BACH2: variants seen among roughly 807,000 people sequenced by gnomAD.
BACH2 encodes the protein BACH transcriptional regulator 2, also known as transcription regulator protein BACH2.
Under a neutral mutation model 61.8 loss-of-function variants are expected in BACH2, and 5 were observed. That is an observed-to-expected ratio of 0.08 (90% CI 0.04 to 0.17). The LOEUF (loss-of-function observed/expected upper bound fraction) is 0.17, where lower values mean the gene tolerates loss of function less well. Among genes scored for constraint, BACH2 ranks in the 10% least tolerant of loss-of-function variants. The pLI, the probability that BACH2 is intolerant of heterozygous loss-of-function variation, is 1.00. For synonymous variants in BACH2, 446 were observed against 440.1 expected (o/e 1.01, Z -0.17); for missense variants, 824 against 1,091.1 (o/e 0.76, Z 3.45).
intron 4 of BACH2, among the ~76,000 whole-genome samples, chr6:90,124,155 T>C (rs941863387): frequency 2.0e-5 from 3 of 152,208 alleles, no homozygotes; most frequent in Admixed American, 2.0e-4. Flanking sequence ...GCCCAGGTGG[T>C]CTGCTCCCTC....
chr6:89,989,785 G>T (rs1448747476), intron 6 of BACH2, among the ~76,000 whole-genome samples: 1 of 152,140 alleles, frequency 6.6e-6, no homozygotes, highest in Non-Finnish European at 1.5e-5. Flanking sequence ...AAATAAGGCT[G>T]CATTATTTTA....
intron 4 of BACH2, among the ~76,000 whole-genome samples, chr6:90,165,595 G>A (rs568730674): frequency 4.9e-4 from 75 of 152,160 alleles, no homozygotes; most frequent in African/African-American, 1.7e-3. Flanking sequence ...AGCCCGCATC[G>A]CCAAGTCAAT....
intron 5 of BACH2, among the ~76,000 whole-genome samples, chr6:90,013,675 T>G (rs1425134689): frequency 6.6e-6 from 1 of 151,466 alleles, no homozygotes; most frequent in African/African-American, 2.4e-5. Flanking sequence ...CCAGGCTAAT[T>G]TTTTTTGTAT....
chr6:90,097,797 T>G (rs1340347357), intron 4 of BACH2, among the ~76,000 whole-genome samples: 1 of 152,172 alleles, frequency 6.6e-6, no homozygotes, highest in Non-Finnish European at 1.5e-5. Flanking sequence ...GAGTATTTTC[T>G]AAAACTATAC....
Position 89,964,445 on chromosome 6 carries a change from TA to T in BACH2, c.244-12584del, listed in dbSNP as rs563672782. On this transcript the variant is annotated intron_variant, in intron 6 of 8. Coordinates refer to ENST00000257749, the MANE Select transcript of BACH2 (RefSeq NM_021813.4). ...TAAACATGTATGGTAAATTTTATGT[TA>T]TTTTTTTTAAAATCACAATAAAAAA... 1.5e-4 allele frequency among the ~76,000 whole-genome samples: 23 copies of T among 152,328 alleles called. No individual in the cohort carries two copies. In the East Asian group the frequency reaches 2.5e-3, roughly 17 times the overall value.
At chr6:90,028,784 C>T (rs1021542591) in intron 5 of BACH2, among the ~76,000 whole-genome samples, 5 of 152,200 alleles carry the variant, frequency 3.3e-5, no homozygotes, top group African/African-American at 7.2e-5. Context: ...TGCCAGCCTA[C>T]CTGGCTTTGA....
At chr6:89,948,984 A>AT (rs1352455990) in intron 7 of BACH2, among the ~76,000 whole-genome samples, 1 of 152,196 alleles carries the variant, frequency 6.6e-6, no homozygotes, top group Admixed American at 6.5e-5. Flanking sequence ...ACCACAGGGC[A>AT]TTTTTGCAGT....
At chr6:90,189,063 G>C (rs1188164382) in intron 4 of BACH2, among the ~76,000 whole-genome samples, 2 of 152,142 alleles carry the variant, frequency 1.3e-5, no homozygotes, top group Non-Finnish European at 2.9e-5. Flanking sequence ...GTAAATGGCT[G>C]TGAAACATAC....
intron 4 of BACH2, among the ~76,000 whole-genome samples, chr6:90,133,311 T>C (rs972693706): frequency 5.3e-5 from 8 of 152,126 alleles, no homozygotes; most frequent in Non-Finnish European, 7.4e-5. Flanking sequence ...AGCAGAGATG[T>C]AACTGGCCCC....
At chr6:90,041,324 A>G (rs1446612733) in intron 5 of BACH2, among the ~76,000 whole-genome samples, 1 of 151,354 alleles carries the variant, frequency 6.6e-6, no homozygotes. Flanking sequence ...ATTTTATGTT[A>G]AGGAGGTATC....
intron 3 of BACH2, among the ~76,000 whole-genome samples, chr6:90,251,182 G>A (rs1770796687): frequency 6.6e-6 from 1 of 151,100 alleles, no homozygotes; most frequent in South Asian, 2.1e-4. Context: ...CTGATGATTT[G>A]TAACCCAACT....
rs1772730370 is a variant in BACH2 at position 89,932,611 on chromosome 6, C to T, written c.2323G>A (p.Ala775Thr). The change falls in exon 9 of 9, where the codon GCT becomes ACT. Residue 775 changes from alanine (A) to threonine (T), a missense_variant. Ala to Thr is a moderately conservative substitution (Grantham distance 58). Transcript: ENST00000257749. ...NVPCCLEPGA[A>T]PPGPPWAPSN... ...GGTGCCCAGGGGGGTCCGGGGGGAG[C>T]CGCGCCTGGCTCCAAGCAGCAGGGC... 1.9e-6 allele frequency: 3 copies of T among 1,613,938 alleles called. No homozygotes were observed. In the South Asian group the frequency reaches 3.3e-5, roughly 18 times the overall value.
intron 3 of BACH2, among the ~76,000 whole-genome samples, chr6:90,251,901 C>T (rs1205648653): frequency 1.3e-5 from 2 of 152,146 alleles, no homozygotes; most frequent in African/African-American, 4.8e-5. Context: ...ACATGATATA[C>T]TTTCTGAGTT....
intron 5 of BACH2, among the ~76,000 whole-genome samples, chr6:90,052,705 G>A (rs1582270897): frequency 6.6e-6 from 1 of 152,226 alleles, no homozygotes; most frequent in African/African-American, 2.4e-5. Flanking sequence ...ACAGGCATGA[G>A]CCACCACACC....
intron 6 of BACH2, among the ~76,000 whole-genome samples, chr6:89,970,579 T>C (rs1288694239): frequency 2.6e-5 from 4 of 152,254 alleles, no homozygotes; most frequent in Non-Finnish European, 1.5e-5. Context: ...TGTGTGTTTT[T>C]CTAAAGAACA....
At position 90,266,463 on chromosome 6, in the gene BACH2, G is replaced by C. The variant is rs530062381; in HGVS notation, c.-353+5386C>G. ...CTTAACTTGGCATCTAGGTGCACAT[G>C]GGCAATTGTTCACAGCAGCCAAAAG... is the stretch of plus-strand genomic sequence containing the variant. On this transcript the variant is annotated intron_variant, in intron 2 of 8. Coordinates refer to ENST00000257749, the MANE Select transcript of BACH2 (RefSeq NM_021813.4). Among the ~76,000 whole-genome samples the C allele has an allele frequency of 1.9e-3, 293 of 152,072 alleles. 1 individual carries two copies. Among genetic ancestry groups the C allele is most frequent in the African/African-American group, 6.7e-3 (278 of 41,464 alleles).
intron 5 of BACH2, among the ~76,000 whole-genome samples, chr6:90,033,842 T>C (rs1393322802): frequency 1.3e-5 from 2 of 152,186 alleles, no homozygotes; most frequent in Non-Finnish European, 2.9e-5. Context: ...TCAAGCTGAC[T>C]AAAAGACATG....
intron 1 of BACH2, among the ~76,000 whole-genome samples, chr6:90,291,726 A>T (rs985981990): frequency 2.6e-5 from 4 of 152,178 alleles, no homozygotes; most frequent in Non-Finnish European, 1.5e-5. Context: ...AAATATTTAC[A>T]TAAAATTTAA....
intron 4 of BACH2, among the ~76,000 whole-genome samples, chr6:90,170,423 A>G (rs1767773429): frequency 6.6e-6 from 1 of 152,176 alleles, no homozygotes; most frequent in Non-Finnish European, 1.5e-5. Context: ...AGTAGGAGCA[A>G]GAATTTTTGT....
Sources: allele counts gnomAD v4.1 joint callset (sites outside exome capture counted in the v4.1 genomes callset), GRCh38; gene constraint gnomAD v4.1.1; transcripts MANE v1.5; gene names NCBI Gene and HGNC (gene_info 2026-07-23, HGNC 2026-07-21).